The following CD8B2 variants were observed in gnomAD, a reference collection of about 807,000 sequenced individuals.
CD8B2 encodes the protein CD8B family member 2, also known as T-cell surface glycoprotein CD8 beta-2 chain.
CD8B2 carries 11 observed loss-of-function variants against 23.7 expected under a neutral mutation model. The ratio of observed to expected loss-of-function variants is 0.46; its 90% CI spans 0.29 to 0.77. The LOEUF is 0.77. Ranked by LOEUF, CD8B2 falls within the 30% of genes least tolerant of loss-of-function variation. The probability of loss-of-function intolerance (pLI) is 0.09; values close to 1 mark genes in which losing one functional copy is unlikely to be tolerated. For missense variants in CD8B2, 197 were observed against 270.5 expected, an observed-to-expected ratio of 0.73 and a Z score of 1.91; for synonymous variants, 90 against 109.3, an observed-to-expected ratio of 0.82 and a Z score of 1.10.
Position 106,503,670 on chromosome 2 carries a change from G to A in CD8B2, c.584-619G>A, listed in dbSNP as rs897999536. 2.7e-4 allele frequency among the ~76,000 whole-genome samples: 40 copies of A among 148,810 alleles called. 1 individual carries two copies. The highest frequency in any genetic ancestry group is 1.5e-4 in the Non-Finnish European group (10 of 67,588). On this transcript the variant is annotated intron_variant, in intron 4 of 5. Coordinates refer to ENST00000643224, the MANE Select transcript of CD8B2 (RefSeq NM_001349727.2). ...CTTCAAAATGAAAAGCAAGTTGGGT[G>A]TAGTGGCAAGTGCCCGTACTTGAGA...
intron 5 of CD8B2, among the ~76,000 whole-genome samples, chr2:106,541,112 C>T (rs1680165833): frequency 1.3e-5 from 2 of 152,138 alleles, no homozygotes; most frequent in South Asian, 4.1e-4. Flanking sequence ...CAGAGGAAGG[C>T]AGGCAGGTGT....
chr2:106,534,248 G>T (rs1170310694), intron 5 of CD8B2, among the ~76,000 whole-genome samples: 1 of 152,172 alleles, frequency 6.6e-6, no homozygotes, highest in East Asian at 1.9e-4. Flanking sequence ...GGAACAAAAT[G>T]GATATGCAGA....
chr2:106,494,472 C>CTT (rs11444117), intron 2 of CD8B2, among the ~76,000 whole-genome samples: 21 of 148,156 alleles, frequency 1.4e-4, no homozygotes, highest in South Asian at 6.4e-4. Flanking sequence ...CTTTTCTTTT[C>CTT]TTTTTTTTTT....
chr2:106,519,210 G>A (rs528290481), intron 5 of CD8B2, among the ~76,000 whole-genome samples: 1 of 152,288 alleles, frequency 6.6e-6, no homozygotes, highest in East Asian at 1.9e-4. Flanking sequence ...CTCCTCAAAG[G>A]TTATCCCAGG....
In CD8B2 at chr2:106,496,087, C is replaced by T. The variant is rs78704169; in HGVS notation, c.404-86C>T. ...TGTTGGGATTCCAGGCATGAGCCAC[C>T]GCACCCGGCCATAAGACAAAGTTTT... On this transcript the variant is annotated intron_variant, in intron 2 of 5. Transcript: ENST00000643224. 1.5e-3 allele frequency: 2,318 copies of T among 1,547,702 alleles called. 20 individuals are homozygous for T. In the African/African-American group the frequency reaches 0.025, roughly 17 times the overall value.
intron 3 of CD8B2, among the ~76,000 whole-genome samples, chr2:106,498,069 G>A (rs1401175983): frequency 6.6e-6 from 1 of 152,118 alleles, no homozygotes; most frequent in African/African-American, 2.4e-5. Flanking sequence ...ACAGCTGAAT[G>A]ACGGCAAACT....
At position 106,496,162 on chromosome 2, in the gene CD8B2, T is replaced by G. The variant is rs1281342963; in HGVS notation, c.404-11T>G. The G allele has an allele frequency of 1.9e-6, 3 of 1,542,974 alleles. No homozygotes were observed. The highest frequency in any genetic ancestry group is 2.6e-6 in the Non-Finnish European group (3 of 1,141,328). The stretch of plus-strand genomic sequence containing the variant: ...CTTGGCTAAGATATGTGTCTTGCTT[T>G]CTTTCTGTAGTTGATTTCCTTCCCA... On this transcript the variant is annotated splice_polypyrimidine_tract_variant and intron_variant, in intron 2 of 5. Coordinates refer to ENST00000643224, the MANE Select transcript of CD8B2 (RefSeq NM_001349727.2).
intron 5 of CD8B2, among the ~76,000 whole-genome samples, chr2:106,520,394 G>T (rs1005841012): frequency 2.6e-5 from 4 of 152,148 alleles, no homozygotes; most frequent in Non-Finnish European, 4.4e-5. Flanking sequence ...CCTACCTGGG[G>T]CCTTTCCAGA....
downstream of CD8B2, among the ~76,000 whole-genome samples, chr2:106,515,199 G>C (rs1328722131): frequency 1.3e-5 from 2 of 152,262 alleles, no homozygotes; most frequent in Admixed American, 6.5e-5. Context: ...CCCAAGATGG[G>C]ACAGATGAGC....
At chr2:106,493,672 AC>A (rs1396604853) in intron 2 of CD8B2, among the ~76,000 whole-genome samples, 3 of 152,162 alleles carry the variant, frequency 2.0e-5, no homozygotes, top group Non-Finnish European at 4.4e-5. Flanking sequence ...CACTATGATG[AC>A]CCAGGGCCTT....
chr2:106,541,028 G>A (rs528850255), intron 5 of CD8B2, among the ~76,000 whole-genome samples: 1 of 152,158 alleles, frequency 6.6e-6, no homozygotes, highest in Non-Finnish European at 1.5e-5. Context: ...CCAGCAGGAG[G>A]AGAGGGAATG....
intron 5 of CD8B2, 71 bp downstream of exon 5, chr2:106,504,396 C>T (rs906503865): frequency 1.5e-5 from 23 of 1,551,508 alleles, no homozygotes; most frequent in African/African-American, 4.1e-5. Context: ...CTAACTGCGG[C>T]GAGGAGCCAA....
At chr2:106,490,107 T>C (rs1160692623) in intron 1 of CD8B2, among the ~76,000 whole-genome samples, 1 of 151,972 alleles carries the variant, frequency 6.6e-6, no homozygotes, top group Non-Finnish European at 1.5e-5. Context: ...CCAGGGTCTG[T>C]CCAGCAACGG....
chr2:106,496,980 C>G (rs1056035504), intron 3 of CD8B2, among the ~76,000 whole-genome samples: 2 of 152,172 alleles, frequency 1.3e-5, no homozygotes, highest in Non-Finnish European at 2.9e-5. Flanking sequence ...GCACTTTAAA[C>G]TTTTCCAGTT....
chr2:106,518,164 T>A (rs1270509612), intron 5 of CD8B2, among the ~76,000 whole-genome samples: 1 of 152,174 alleles, frequency 6.6e-6, no homozygotes, highest in Non-Finnish European at 1.5e-5. Context: ...AGTAAACATT[T>A]ATTTGAGCTT....
intron 5 of CD8B2, among the ~76,000 whole-genome samples, chr2:106,519,626 C>A (rs556955350): frequency 6.6e-6 from 1 of 152,294 alleles, no homozygotes; most frequent in African/African-American, 2.4e-5. Context: ...CGCTGAGACC[C>A]AAACACATGC....
chr2:106,520,856 T>A (rs941055787), intron 5 of CD8B2, among the ~76,000 whole-genome samples: 1 of 151,896 alleles, frequency 6.6e-6, no homozygotes, highest in South Asian at 2.1e-4. Flanking sequence ...GGCGAGAGCG[T>A]GAGACTCTGT....
At chr2:106,521,533 AT>A (rs1217886829) in intron 5 of CD8B2, 2 of 152,182 alleles carry the variant, frequency 1.3e-5, no homozygotes, top group Admixed American at 1.3e-4. Context: ...TGCCTGTATA[AT>A]TTATTCTTAA....
chr2:106,500,560 A>ATAAATAAATAATTAAT (rs370350218), intron 3 of CD8B2, among the ~76,000 whole-genome samples: 2,863 of 118,094 alleles, frequency 0.024, 8 homozygotes, highest in Middle Eastern at 0.039. Flanking sequence ...AAATAAATAA[A>ATAAATAAATAATTAAT]TAATTAAAAA....
Sources: gnomAD v4.1 joint callset for allele counts (sites outside exome capture counted in the v4.1 genomes callset) on GRCh38, gnomAD v4.1.1 for gene constraint, MANE v1.5 for transcripts, NCBI Gene and HGNC (gene_info 2026-07-23, HGNC 2026-07-21) for gene names.